The following ZIM2 variants were observed in gnomAD, a reference collection of about 807,000 sequenced individuals.
ZIM2 encodes zinc finger protein 656.
A neutral mutation model predicts 38.6 loss-of-function variants in ZIM2; 14 were observed. That is an observed-to-expected ratio of 0.36 (90% CI 0.24 to 0.57). The LOEUF (loss-of-function observed/expected upper bound fraction) is 0.57, where lower values mean the gene tolerates loss of function less well. ZIM2 is among the 20% of genes least tolerant of loss of function. The pLI is 0.81. For synonymous variants in ZIM2, 247 were observed against 245.8 expected, an observed-to-expected ratio of 1.00 and a Z score of -0.04; for missense variants, 680 against 695.1, an observed-to-expected ratio of 0.98 and a Z score of 0.24.
In ZIM2 at chr19:56,774,590, T is replaced by A. The variant is rs1306224970; in HGVS notation, c.*98A>T. On this transcript the variant is annotated 3_prime_UTR_variant, in exon 13 of 13. Transcript: ENST00000629319. Reference sequence around the variant, plus strand: ...ACACTTTGATGAATGTTCAAGTTGTTAACAAGGTGGGGCTAGTGAAAGGCC... The same window carrying A: ...ACACTTTGATGAATGTTCAAGTTGTAAACAAGGTGGGGCTAGTGAAAGGCC... 1.3e-6 allele frequency: 2 copies of A among 1,483,118 alleles called. No homozygotes were observed. Among genetic ancestry groups the A allele is most frequent in the Non-Finnish European group, 1.8e-6 (2 of 1,113,600 alleles). The allele number at this position is 1,483,118 out of a possible 1,614,324, so 91.9% of individuals were successfully genotyped here.
At chr19:56,781,012 G>A (rs1273732640) in intron 11 of ZIM2, among the ~76,000 whole-genome samples, 1 of 152,180 alleles carries the variant, frequency 6.6e-6, no homozygotes, top group Non-Finnish European at 1.5e-5. Flanking sequence ...AATGCTCCAG[G>A]TCACTGCATG....
intron 9 of ZIM2, among the ~76,000 whole-genome samples, chr19:56,805,382 A>G (rs879451090): frequency 2.0e-5 from 3 of 152,190 alleles, no homozygotes; most frequent in Admixed American, 1.3e-4. Flanking sequence ...TGGGCCAATA[A>G]GAGTCCTACA....
Position 56,814,784 on chromosome 19 carries a change from G to T in ZIM2, c.490+2962C>A. ...AGGCATCGAATGGCCGACCCAGCAA[G>T]AGCAGGATTCCTCTCTGCAGCACGA... On this transcript the variant is annotated intron_variant, in intron 9 of 12. Transcript: ENST00000629319. This position sits in a 1 kb window ranked among gnomAD's most constrained non-coding sequence, Gnocchi z 5.8. The T allele has an allele frequency of 6.2e-7, 1 of 1,614,170 alleles. No homozygotes were observed. Among genetic ancestry groups the T allele is most frequent in the Non-Finnish European group, 8.5e-7 (1 of 1,180,046 alleles).
chr19:56,774,636 T>A lies in ZIM2; in HGVS notation c.*52A>T. On this transcript the variant is annotated 3_prime_UTR_variant, in exon 13 of 13. Transcript: ENST00000629319. ...AGGCCTTCTCACACTCACAACACTC[T>A]AGGAGGAAGCCAATAATGTTGAGAA... 6.3e-7 allele frequency: 1 copy of A among 1,579,232 alleles called. No homozygotes were observed. Among genetic ancestry groups the A allele is most frequent in the Non-Finnish European group, 8.6e-7 (1 of 1,161,946 alleles).
At chr19:56,815,716 G>A (rs2059918846) in intron 9 of ZIM2, 2 of 1,614,016 alleles carry the variant, frequency 1.2e-6, no homozygotes, top group African/African-American at 2.7e-5. Flanking sequence ...TCCCTCTCCA[G>A]GAACACTTTT....
rs2191432 is a variant in ZIM2, at chr19:56,818,669, C to T, written c.328G>A (p.Ala110Thr). Residue 110 changes from alanine to threonine, a missense_variant, in exon 8 of 13, where the codon GCT (alanine) becomes ACT (threonine). Physicochemically the swap from Ala to Thr is moderately conservative, Grantham distance 58. Transcript: ENST00000629319. ...AESYQNVVDL[A>T]EDRKPHNTIQ... ...GTGTTGTGAGGTTTCCTGTCCTCAG[C>T]GAGGTCCACCACATTTTGGTATGAT... 7.8e-3 allele frequency: 12,536 copies of T among 1,614,114 alleles called. 1,008 individuals carry two copies. In the East Asian group the frequency reaches 0.2, roughly 26 times the overall value.
rs1426208868 is a variant in ZIM2 at position 56,813,964 on chromosome 19, C to T, written c.490+3782G>A. The T allele has an allele frequency of 6.2e-7, 1 of 1,613,968 alleles. No individual in the cohort carries two copies. Among genetic ancestry groups the T allele is most frequent in the African/African-American group, 1.3e-5 (1 of 74,932 alleles). The stretch of plus-strand genomic sequence containing the variant: ...TTCTACCTGAATCTCTTGATCTTCA[C>T]CTTCTTCTGGGTCTTCAATTCCCAC... On this transcript the variant is annotated intron_variant, in intron 9 of 12. Coordinates refer to ENST00000629319, the MANE Select transcript of ZIM2 (RefSeq NM_001387356.1).
intron 7 of ZIM2, among the ~76,000 whole-genome samples, chr19:56,819,103 T>C (rs1174648219): frequency 6.6e-6 from 1 of 152,070 alleles, no homozygotes; most frequent in East Asian, 1.9e-4. Flanking sequence ...GGGCCTTAAG[T>C]GGTAAGTGAG....
At position 56,838,228 on chromosome 19, in the gene ZIM2, C is replaced by T. The variant is rs183561773; in HGVS notation, c.-313-2124G>A. ...GTAACTGCCCTCACGTGCCCCATTACAGCCAAAGATTGCACCACAGTGGAC... is the reference window on the plus strand; with the variant it reads ...GTAACTGCCCTCACGTGCCCCATTATAGCCAAAGATTGCACCACAGTGGAC... On this transcript the variant is annotated intron_variant, in intron 1 of 12. Coordinates refer to ENST00000629319, the MANE Select transcript of ZIM2 (RefSeq NM_001387356.1). Among the ~76,000 whole-genome samples the T allele has an allele frequency of 1.7e-3, 265 of 152,308 alleles. 2 individuals carry two copies. The highest frequency in any genetic ancestry group is 6.0e-3 in the African/African-American group (251 of 41,562).
At position 56,818,753 on chromosome 19, in the gene ZIM2, C is replaced by T. The variant is rs147561866; in HGVS notation, c.295-51G>A. On this transcript the variant is annotated intron_variant, in intron 7 of 12. Coordinates refer to ENST00000629319, the MANE Select transcript of ZIM2 (RefSeq NM_001387356.1). ...AATGGAGTCTGTCCCCACCGATGTT[C>T]AAAGACAGAATAATGTTGGCAACAT... is the stretch of plus-strand genomic sequence containing the variant. 1.8e-4 allele frequency: 289 copies of T among 1,590,930 alleles called. No homozygotes were observed. The East Asian group carries it at 6.0e-3, about 33-fold the overall frequency.
intron 10 of ZIM2, among the ~76,000 whole-genome samples, chr19:56,785,402 T>C (rs1418488629): frequency 6.6e-6 from 1 of 152,088 alleles, no homozygotes; most frequent in African/African-American, 2.4e-5. Context: ...CAGTAATCTT[T>C]ATACGTCATT....
chr19:56,821,927 T>C (rs976706589), intron 6 of ZIM2, among the ~76,000 whole-genome samples, 173 bp from the exon 7 acceptor site: 1 of 151,810 alleles, frequency 6.6e-6, no homozygotes. Context: ...CCAGTGGCCC[T>C]ACAACAACCC....
At chr19:56,822,716 A>G (rs368047298) in intron 6 of ZIM2, 37 bp downstream of exon 6, 43 of 1,610,586 alleles carry the variant, frequency 2.7e-5, no homozygotes, top group East Asian at 1.8e-4. Flanking sequence ...CACATGCTCT[A>G]TATCTCCTAC....
chr19:56,820,236 AC>A (rs1373997604), intron 7 of ZIM2, among the ~76,000 whole-genome samples: 1 of 152,232 alleles, frequency 6.6e-6, no homozygotes, highest in African/African-American at 2.4e-5. Context: ...ATACATGTGA[AC>A]AATTAAGAAA....
At chr19:56,825,061 T>G (rs1376252009) in intron 3 of ZIM2, 2 of 169,082 alleles carry the variant, frequency 1.2e-5, no homozygotes, top group Non-Finnish European at 2.6e-5. Flanking sequence ...TTCAGAATTG[T>G]GAAGCTTAAA....
intron 12 of ZIM2, among the ~76,000 whole-genome samples, chr19:56,777,261 T>C (rs1442085849): frequency 6.6e-6 from 1 of 152,180 alleles, no homozygotes; most frequent in Non-Finnish European, 1.5e-5. Context: ...GATTGACTCT[T>C]TTAGGAAGTG....
rs745771067 is a variant in ZIM2 at position 56,782,011 on chromosome 19, A to G, written c.681T>C (p.Ala227=). 3.1e-5 allele frequency: 50 copies of G among 1,613,878 alleles called. No individual in the cohort carries two copies. The Middle Eastern group carries it at 4.9e-4, about 16-fold the overall frequency. ...TCACCTCCCTGTAGAGGTTTCTCTG[A>G]GCAGCACTAAGGGAACTAAGTTCCT... ...SPEELSSLSA[A]QRNLYREVML... is the part of the protein sequence containing the mutation. The change falls in exon 11 of 13, where the codon GCT becomes GCC. Residue 227 remains alanine (A), a synonymous_variant. Coordinates refer to ENST00000629319, the MANE Select transcript of ZIM2 (RefSeq NM_001387356.1).
At chr19:56,777,031 A>T (rs554583377) in intron 12 of ZIM2, among the ~76,000 whole-genome samples, 1 of 152,326 alleles carries the variant, frequency 6.6e-6, no homozygotes, top group East Asian at 1.9e-4. Flanking sequence ...AGAAGCTGAT[A>T]AAAAGTCTGT....
chr19:56,781,993 C>T lies in ZIM2; in HGVS notation c.699G>A (p.Arg233=). Residue 233 remains arginine, a synonymous_variant, in exon 11 of 13, where the codon AGG becomes AGA. Coordinates refer to ENST00000629319, the MANE Select transcript of ZIM2 (RefSeq NM_001387356.1). ...SLSAAQRNLY[R]EVMLENYRNL... is the part of the protein sequence containing the mutation. Reference sequence around the variant, plus strand: ...TCCGGTAATTCTCCAGCATCACCTCCCTGTAGAGGTTTCTCTGAGCAGCAC... The same window carrying T: ...TCCGGTAATTCTCCAGCATCACCTCTCTGTAGAGGTTTCTCTGAGCAGCAC... The T allele has an allele frequency of 6.2e-7, 1 of 1,613,840 alleles. No individual in the cohort carries two copies. Among genetic ancestry groups the T allele is most frequent in the Non-Finnish European group, 8.5e-7 (1 of 1,179,848 alleles).
Sources: allele counts gnomAD v4.1 joint callset (sites outside exome capture counted in the v4.1 genomes callset), GRCh38; gene constraint gnomAD v4.1.1; non-coding constraint Gnocchi (gnomAD v3.1); transcripts MANE v1.5; gene names NCBI Gene and HGNC (gene_info 2026-07-23, HGNC 2026-07-21).